The following TG variants were observed in gnomAD, a reference collection of about 807,000 sequenced individuals.
TG encodes thyroid hormones.
A neutral mutation model predicts 324.7 loss-of-function variants in TG; 270 were observed. That is an observed-to-expected ratio of 0.83 (90% CI 0.75 to 0.92). The LOEUF is 0.92. Among genes scored for constraint, TG ranks in the 40% least tolerant of loss-of-function variants. The pLI is 0.00. For missense variants in TG, 3,591 were observed against 3,456.4 expected (o/e 1.04, Z -0.98); for synonymous variants, 1,401 against 1,327.0 (o/e 1.06, Z -1.21).
intron 41 of TG, among the ~76,000 whole-genome samples, chr8:133,091,907 C>T (rs1459707360): frequency 1.3e-5 from 2 of 151,504 alleles, no homozygotes; most frequent in Non-Finnish European, 2.9e-5. Flanking sequence ...GACTGTGTGT[C>T]TCCATCTGTG....
chr8:133,036,869 C>A (rs770802124), intron 41 of TG: 2 of 152,632 alleles, frequency 1.3e-5, no homozygotes, highest in Non-Finnish European at 2.9e-5. Flanking sequence ...GAAAACAACA[C>A]ATAAGATACT....
intron 45 of TG, among the ~76,000 whole-genome samples, chr8:133,123,134 T>G (rs948889653): frequency 6.6e-6 from 1 of 152,030 alleles, no homozygotes; most frequent in Non-Finnish European, 1.5e-5. Flanking sequence ...GGGGACACAA[T>G]CCTTGCTGGT....
At position 133,085,621 on chromosome 8, in the gene TG, G is replaced by A. The variant is rs556680691; in HGVS notation, c.7240-9423G>A. Reference sequence around the variant, plus strand: ...TAGCAAAAGATTCTTAACACTATTAGTCAGTCATCAGAGAAGTGAAAATTA... The same window carrying A: ...TAGCAAAAGATTCTTAACACTATTAATCAGTCATCAGAGAAGTGAAAATTA... On this transcript the variant is annotated intron_variant, in intron 41 of 47. Transcript: ENST00000220616. 1.1e-4 allele frequency among the ~76,000 whole-genome samples: 16 copies of A among 152,216 alleles called. No individual in the cohort carries two copies. The East Asian group carries it at 2.9e-3, about 28-fold the overall frequency.
At chr8:133,074,242 T>A (rs1844523287) in intron 41 of TG, among the ~76,000 whole-genome samples, 1 of 152,206 alleles carries the variant, frequency 6.6e-6, no homozygotes, top group Non-Finnish European at 1.5e-5. Flanking sequence ...AGATTGTTAT[T>A]AATTATCTTC....
chr8:133,032,587 G>A (rs1398504204), intron 41 of TG, among the ~76,000 whole-genome samples: 3 of 152,226 alleles, frequency 2.0e-5, no homozygotes, highest in African/African-American at 7.2e-5. Flanking sequence ...GCTCCCAGCA[G>A]TCCTTGGGAT....
chr8:133,131,666 A>T (rs17633144), intron 45 of TG, 146 bp from the exon 46 acceptor site: 5 of 1,184,178 alleles, frequency 4.2e-6, no homozygotes, highest in Non-Finnish European at 5.8e-6. Context: ...TCTCCATTCA[A>T]CTGGGCCCTA....
Position 133,022,110 on chromosome 8 carries a change from T to C in TG, c.6996T>C (p.Thr2332=), listed in dbSNP as rs1835620572. Residue 2332 remains threonine, a synonymous_variant, in exon 40 of 48, where the codon ACT becomes ACC. Coordinates refer to ENST00000220616, the MANE Select transcript of TG (RefSeq NM_003235.5). ...LAAVGNLIVV[T]ASYRVGVFGF... is the part of the protein sequence containing the mutation. Reference sequence around the variant, plus strand: ...CTGTTGGCAACCTCATCGTGGTCACTGCCAGCTACCGAGTGGGTGTCTTCG... The same window carrying C: ...CTGTTGGCAACCTCATCGTGGTCACCGCCAGCTACCGAGTGGGTGTCTTCG... 1 of 1,614,170 alleles carries C rather than the reference T, an allele frequency of 6.2e-7. No individual in the cohort carries two copies. The highest frequency in any genetic ancestry group is 8.5e-7 in the Non-Finnish European group (1 of 1,180,040).
At chr8:133,108,684 T>C (rs1440192774) in intron 43 of TG, among the ~76,000 whole-genome samples, 4 of 152,236 alleles carry the variant, frequency 2.6e-5, no homozygotes, top group African/African-American at 7.2e-5. Flanking sequence ...TTTAGCATCC[T>C]ACTTTCAGCC....
chr8:132,924,273 G>A (rs1393851178), intron 22 of TG, among the ~76,000 whole-genome samples: 3 of 152,044 alleles, frequency 2.0e-5, no homozygotes, highest in Non-Finnish European at 2.9e-5. Context: ...GACAGGAGGC[G>A]GAGCTCAGGC....
intron 26 of TG, among the ~76,000 whole-genome samples, chr8:132,944,501 T>C (rs1824940315): frequency 6.6e-6 from 1 of 152,226 alleles, no homozygotes. Context: ...TTATTTATCC[T>C]CAGCCTTTAG....
chr8:132,912,134 T>A (rs1019484484), intron 19 of TG, among the ~76,000 whole-genome samples: 11 of 152,224 alleles, frequency 7.2e-5, no homozygotes, highest in Non-Finnish European at 4.4e-5. Context: ...GTTTGCCCTC[T>A]GTTCTATGAG....
chr8:132,959,915 G>A lies in TG; in HGVS notation c.5402-1093G>A, dbSNP rs764632836. ...ATGGTTTTTAGTTTCTGTCTTTAGTGATAAGCAGAAAAGAGTGATGAGGAA... is the reference window on the plus strand; with the variant it reads ...ATGGTTTTTAGTTTCTGTCTTTAGTAATAAGCAGAAAAGAGTGATGAGGAA... On this transcript the variant is annotated intron_variant, in intron 27 of 47. Coordinates refer to ENST00000220616, the MANE Select transcript of TG (RefSeq NM_003235.5). Among the ~76,000 whole-genome samples the A allele has an allele frequency of 1.1e-3, 160 of 152,154 alleles. 1 individual carries two copies. Among genetic ancestry groups the A allele is most frequent in the Middle Eastern group, 3.2e-3 (1 of 316 alleles).
chr8:132,985,833 A>T (rs1831452019), intron 35 of TG, among the ~76,000 whole-genome samples: 1 of 151,944 alleles, frequency 6.6e-6, no homozygotes, highest in African/African-American at 2.4e-5. Context: ...TTCACTTAAC[A>T]GTGTTTGAAG....
At chr8:132,867,195 CTT>C in intron 1 of TG, 128 bp downstream of exon 1, 73 of 643,964 alleles carry the variant, frequency 1.1e-4, no homozygotes, top group South Asian at 1.4e-4. Context: ...CAGTGATTTG[CTT>C]TTTTTTTTTC....
In TG at chr8:133,021,991, G is replaced by A. The variant is rs137871955; in HGVS notation, c.6877G>A (p.Ala2293Thr). ...CCTCATGTTTCTCCAATACCCACAG[G>A]CCCCTAACGCGTCTGTGCTGGTGTT... Reference protein sequence around the residue: ...YLNVFIPQNVAPNASVLVFFH... With the variant: ...YLNVFIPQNVTPNASVLVFFH... The change falls in exon 40 of 48, where the codon GCC becomes ACC. Residue 2293 changes from alanine to threonine, a missense_variant and splice_region_variant. Ala to Thr is a moderately conservative substitution (Grantham distance 58). Transcript: ENST00000220616. The A allele has an allele frequency of 6.2e-7, 1 of 1,614,118 alleles. No individual in the cohort carries two copies. The highest frequency in any genetic ancestry group is 8.5e-7 in the Non-Finnish European group (1 of 1,180,014).
intron 39 of TG, 56 bp from the exon 40 acceptor site, chr8:133,021,935 G>T: frequency 1.2e-6 from 2 of 1,610,410 alleles, no homozygotes; most frequent in Non-Finnish European, 1.7e-6. Context: ...CAGGCTCCAA[G>T]CATGGGAAAG....
At chr8:133,011,401 A>G (rs113664434) in intron 35 of TG, among the ~76,000 whole-genome samples, 2,668 of 151,896 alleles carry the variant, frequency 0.018, 74 homozygotes, top group African/African-American at 0.061. Flanking sequence ...TTGGTCCTGC[A>G]GGGGGGTCTC....
intron 32 of TG, among the ~76,000 whole-genome samples, chr8:132,970,554 AG>A (rs969321572): frequency 1.3e-5 from 2 of 152,174 alleles, no homozygotes; most frequent in African/African-American, 4.8e-5. Flanking sequence ...AGTGCTCTTG[AG>A]TTATGACTGA....
At chr8:132,883,057 C>T in intron 8 of TG, 58 bp downstream of exon 8, 1 of 1,575,406 alleles carries the variant, frequency 6.3e-7, no homozygotes, top group East Asian at 2.3e-5. Flanking sequence ...TTTGGCGGTC[C>T]TCCAGACCAA....
Sources: allele counts gnomAD v4.1 joint callset (sites outside exome capture counted in the v4.1 genomes callset), GRCh38; gene constraint gnomAD v4.1.1; transcripts MANE v1.5; gene names NCBI Gene and HGNC (gene_info 2026-07-23, HGNC 2026-07-21).